OPA3: variants seen among roughly 807,000 people sequenced by gnomAD.
OPA3 encodes outer mitochondrial membrane lipid metabolism regulator OPA3.
In OPA3, 6 loss-of-function variants were observed where a neutral mutation model predicts 4.0. That is an observed-to-expected ratio of 1.51 (90% CI 0.83 to 2.99). The LOEUF is 2.99. Among genes scored for constraint, OPA3 ranks in the 30% most tolerant of loss-of-function variants. The pLI is 0.00. For synonymous variants in OPA3, 105 were observed against 117.1 expected (o/e 0.90, Z 0.67); for missense variants, 235 against 256.2 (o/e 0.92, Z 0.56).
intron 1 of OPA3, among the ~76,000 whole-genome samples, chr19:45,537,167 C>T (rs990273374): frequency 4.6e-5 from 7 of 151,904 alleles, no homozygotes; most frequent in African/African-American, 1.7e-4. Context: ...CCATGTTGGT[C>T]AGGCTTGTCT....
chr19:45,559,393 C>CTTTTTTTTTTTTTTTTT (rs1411300137), intron 1 of OPA3, among the ~76,000 whole-genome samples: 2 of 97,836 alleles, frequency 2.0e-5, no homozygotes, highest in African/African-American at 4.1e-5. Context: ...CCCTCTTTTT[C>CTTTTTTTTTTTTTTTTT]TTTCTTTTTT....
intron 1 of OPA3, among the ~76,000 whole-genome samples, chr19:45,565,095 G>T (rs1054078099): frequency 1.8e-4 from 27 of 152,172 alleles, no homozygotes; most frequent in Middle Eastern, 3.4e-3. Flanking sequence ...TTAGCTGGGC[G>T]TGGTGGCACA....
rs944230445 is a variant in OPA3, at chr19:45,549,934, G to A, written c.*3580C>T. The A allele has an allele frequency of 7.5e-6, 7 of 930,646 alleles. No homozygotes were observed. The Admixed American group carries it at 3.7e-4, about 49-fold the overall frequency. 57.6% of individuals were successfully genotyped at this position (930,646 alleles called of 1,614,324 possible). The stretch of plus-strand genomic sequence containing the variant: ...GCACTTTGGGAGGCCGAGGCGGGCG[G>A]ATTACCTGAGGTCAGGAGTTCAAGA... On this transcript the variant is annotated 3_prime_UTR_variant, in exon 2 of 2. Coordinates refer to ENST00000263275, the MANE Select transcript of OPA3 (RefSeq NM_025136.4).
chr19:45,540,272 G>A (rs557134617), intron 1 of OPA3, among the ~76,000 whole-genome samples: 113 of 151,900 alleles, frequency 7.4e-4, no homozygotes, highest in South Asian at 1.5e-3. Context: ...AGTCAAGATC[G>A]CACCACTGTG....
In OPA3 at chr19:45,584,508, G is replaced by A; in HGVS notation, c.142+115C>T. On this transcript the variant is annotated intron_variant, in intron 1 of 1. Transcript: ENST00000263275. ...CAGAAACCCCCCACTATTGGCCACT[G>A]GACTTTGCCGGTTCGGGCTGTGATT... The A allele has an allele frequency of 2.5e-6, 4 of 1,588,880 alleles. No individual in the cohort carries two copies. In the Admixed American group the frequency reaches 6.8e-5, roughly 27 times the overall value.
chr19:45,528,838 T>C (rs1969023891), exon 2 of OPA3: 1 of 552,272 alleles, frequency 1.8e-6, no homozygotes, highest in South Asian at 2.7e-5. Flanking sequence ...CTTGGAACGT[T>C]CCACCTGCAG....
chr19:45,584,380 C>G lies in OPA3; in HGVS notation c.142+243G>C, dbSNP rs1377520867. On this transcript the variant is annotated intron_variant, in intron 1 of 1. Coordinates refer to ENST00000263275, the MANE Select transcript of OPA3 (RefSeq NM_025136.4). ...CAGGGCATCAGTCTCCAAGCGCTCT[C>G]TTCCTTTATCGGCTGGCATTTCCTA... 1.3e-5 allele frequency: 13 copies of G among 985,292 alleles called. No individual in the cohort carries two copies. The African/African-American group carries it at 1.9e-4, about 15-fold the overall frequency. 61.0% of individuals were successfully genotyped at this position (985,292 alleles called of 1,614,324 possible).
At chr19:45,527,815 G>A (rs889746301) in exon 2 of OPA3, 3 of 152,088 alleles carry the variant, frequency 2.0e-5, no homozygotes, top group Non-Finnish European at 2.9e-5. Flanking sequence ...GCTGACAGTC[G>A]ATTTATAAAG....
At chr19:45,583,431 C>A (rs1365131525) in intron 1 of OPA3, among the ~76,000 whole-genome samples, 1 of 149,858 alleles carries the variant, frequency 6.7e-6, no homozygotes, top group Non-Finnish European at 1.5e-5. Context: ...GGATTACAGG[C>A]GTGAGCCACC....
At chr19:45,566,756 G>C (rs546949271) in intron 1 of OPA3, among the ~76,000 whole-genome samples, 10 of 152,214 alleles carry the variant, frequency 6.6e-5, no homozygotes, top group South Asian at 2.1e-4. Flanking sequence ...TTACAGGCGT[G>C]AGCCACCGCA....
chr19:45,532,852 C>A (rs1969073959), intron 1 of OPA3, among the ~76,000 whole-genome samples: 1 of 152,072 alleles, frequency 6.6e-6, no homozygotes, highest in Non-Finnish European at 1.5e-5. Flanking sequence ...GTGCTGATTG[C>A]AGGCATGAGC....
intron 1 of OPA3, among the ~76,000 whole-genome samples, chr19:45,536,840 A>T (rs1969124210): frequency 6.6e-6 from 1 of 152,178 alleles, no homozygotes; most frequent in Non-Finnish European, 1.5e-5. Flanking sequence ...CAGAGAAAAA[A>T]ATAAACCTTA....
chr19:45,580,609 T>TA (rs1969840360), intron 1 of OPA3, among the ~76,000 whole-genome samples: 1 of 145,734 alleles, frequency 6.9e-6, no homozygotes, highest in South Asian at 2.2e-4. Flanking sequence ...CCTATTTATT[T>TA]ATTTATTTAT....
chr19:45,573,670 G>A (rs913269664), intron 1 of OPA3, among the ~76,000 whole-genome samples: 4 of 152,014 alleles, frequency 2.6e-5, no homozygotes, highest in Admixed American at 6.6e-5. Context: ...TCGAGGCCGC[G>A]CTGCAAACAG....
chr19:45,528,484 C>G (rs1364659582), exon 2 of OPA3: 1 of 155,842 alleles, frequency 6.4e-6, no homozygotes, highest in East Asian at 1.9e-4. Context: ...GATTCACCCC[C>G]ACCTTTCCCC....
intron 1 of OPA3, among the ~76,000 whole-genome samples, chr19:45,555,228 CAT>C (rs1211545662): frequency 6.6e-6 from 1 of 152,086 alleles, no homozygotes; most frequent in African/African-American, 2.4e-5. Context: ...TGGTTGCCGA[CAT>C]ATAAATCACT....
intron 1 of OPA3, among the ~76,000 whole-genome samples, chr19:45,538,722 CAA>C (rs3038837): frequency 1.5e-4 from 16 of 105,908 alleles, no homozygotes; most frequent in East Asian, 4.7e-4. Context: ...GACTCCGTCT[CAA>C]AAAAAAAAAA....
At chr19:45,556,537 T>C (rs1969423995) in intron 1 of OPA3, among the ~76,000 whole-genome samples, 1 of 152,006 alleles carries the variant, frequency 6.6e-6, no homozygotes, top group Non-Finnish European at 1.5e-5. Flanking sequence ...AATTGTTTTT[T>C]GGTAGAGACT....
Position 45,568,382 on chromosome 19 carries a change from G to A in OPA3, c.143-14471C>T, listed in dbSNP as rs184134691. On this transcript the variant is annotated intron_variant, in intron 1 of 1. Transcript: ENST00000263275. ...TTTTTGTATTTTTAGTAGAGATGGG[G>A]TTTCACCATGTTGGCCAGGCTGGTC... is the stretch of plus-strand genomic sequence containing the variant. 2.3e-3 allele frequency among the ~76,000 whole-genome samples: 356 copies of A among 152,026 alleles called. 1 individual carries two copies. Among genetic ancestry groups the A allele is most frequent in the African/African-American group, 8.1e-3 (337 of 41,462 alleles).
Sources: allele counts gnomAD v4.1 joint callset (sites outside exome capture counted in the v4.1 genomes callset), GRCh38; gene constraint gnomAD v4.1.1; transcripts MANE v1.5; gene names NCBI Gene and HGNC (gene_info 2026-07-23, HGNC 2026-07-21).